Variants in SLMAP observed in about 807,000 individuals in gnomAD.
The protein encoded by SLMAP is sarcolemma associated protein.
SLMAP carries 44 observed loss-of-function variants against 128.8 expected under a neutral mutation model. The ratio of observed to expected loss-of-function variants is 0.34; its 90% CI spans 0.27 to 0.44. The LOEUF (loss-of-function observed/expected upper bound fraction) is 0.44. Among genes scored for constraint, SLMAP ranks in the 20% least tolerant of loss-of-function variants. The pLI is 1.00. For synonymous variants in SLMAP, 327 were observed against 348.8 expected (o/e 0.94, Z 0.70); for missense variants, 787 against 985.3 (o/e 0.80, Z 2.69).
At chr3:57,826,988 A>T (rs2092971967) in intron 2 of SLMAP, among the ~76,000 whole-genome samples, 1 of 152,060 alleles carries the variant, frequency 6.6e-6, no homozygotes, top group Non-Finnish European at 1.5e-5. Flanking sequence ...AATGTTTCCC[A>T]TGGGATTTTG....
intron 10 of SLMAP, among the ~76,000 whole-genome samples, chr3:57,863,448 A>G (rs927548597): frequency 6.6e-6 from 1 of 152,172 alleles, no homozygotes; most frequent in Non-Finnish European, 1.5e-5. Context: ...GGAGATTGTC[A>G]TTGTCCATTT....
chr3:57,777,018 T>C (rs1303634746), intron 2 of SLMAP, among the ~76,000 whole-genome samples: 1 of 147,002 alleles, frequency 6.8e-6, no homozygotes, highest in Non-Finnish European at 1.5e-5. Context: ...TGTCATGTAG[T>C]AGATGGTTAA....
At chr3:57,922,274 T>G (rs1261172062) in intron 22 of SLMAP, among the ~76,000 whole-genome samples, 1 of 152,192 alleles carries the variant, frequency 6.6e-6, no homozygotes, top group Non-Finnish European at 1.5e-5. Context: ...TTTGCTCAGT[T>G]TGAAATTTTC....
At chr3:57,813,926 G>A (rs1316009393) in intron 2 of SLMAP, among the ~76,000 whole-genome samples, 3 of 150,898 alleles carry the variant, frequency 2.0e-5, no homozygotes, top group Non-Finnish European at 4.4e-5. Context: ...GAGAGTTTTG[G>A]CGTCAGGTGC....
rs142724698 is a variant in SLMAP at position 57,850,381 on chromosome 3, T to G, written c.519+565T>G. On this transcript the variant is annotated intron_variant, in intron 6 of 24. Transcript: ENST00000671191. Reference sequence around the variant, plus strand: ...CTTTGTACAAGAGGAATTTTTTTGTTCAAGTATGAGGAGGTTCCAAAACAG... The same window carrying G: ...CTTTGTACAAGAGGAATTTTTTTGTGCAAGTATGAGGAGGTTCCAAAACAG... 2.6e-3 allele frequency among the ~76,000 whole-genome samples: 392 copies of G among 152,268 alleles called. 2 individuals carry two copies. The highest frequency in any genetic ancestry group is 8.6e-3 in the African/African-American group (359 of 41,550).
At chr3:57,762,906 G>C (rs1264560407) in intron 2 of SLMAP, among the ~76,000 whole-genome samples, 3 of 151,964 alleles carry the variant, frequency 2.0e-5, no homozygotes, top group African/African-American at 4.8e-5. Flanking sequence ...TGTATTTTTA[G>C]TAGAGACAGG....
At chr3:57,814,126 G>T (rs568988261) in intron 2 of SLMAP, among the ~76,000 whole-genome samples, 3 of 146,586 alleles carry the variant, frequency 2.0e-5, no homozygotes, top group Non-Finnish European at 4.5e-5. Flanking sequence ...TTTTCTCCCC[G>T]CAATACTTTC....
At chr3:57,780,627 T>C (rs2082841426) in intron 2 of SLMAP, among the ~76,000 whole-genome samples, 1 of 152,122 alleles carries the variant, frequency 6.6e-6, no homozygotes, top group Non-Finnish European at 1.5e-5. Flanking sequence ...TTCAATTCTT[T>C]GTAGGTATTT....
intron 14 of SLMAP, 120 bp from the exon 15 acceptor site, chr3:57,889,921 C>T: frequency 1.6e-6 from 1 of 633,184 alleles, no homozygotes; most frequent in Non-Finnish European, 2.9e-6. Flanking sequence ...TTTATTCAAG[C>T]TTGGTCATAG....
chr3:57,783,185 G>A (rs1306681631), intron 2 of SLMAP, among the ~76,000 whole-genome samples: 1 of 152,190 alleles, frequency 6.6e-6, no homozygotes, highest in Non-Finnish European at 1.5e-5. Context: ...GGTAAATGGA[G>A]CATTAATGGT....
chr3:57,789,067 G>A (rs2084880143), intron 2 of SLMAP, among the ~76,000 whole-genome samples: 1 of 152,180 alleles, frequency 6.6e-6, no homozygotes. Flanking sequence ...CATTAAAAAA[G>A]CAGTACAGGT....
At position 57,831,534 on chromosome 3, in the gene SLMAP, C is replaced by T. The variant is rs201859602; in HGVS notation, c.346+4C>T. On this transcript the variant is annotated splice_donor_region_variant and intron_variant, in intron 3 of 24. Coordinates refer to ENST00000671191, the MANE Select transcript of SLMAP (RefSeq NM_001377540.1). ...GTGACAGAGAATACACGGAAAGGTA[C>T]GGGTATGGATCACTTTTTTTATTAC... The T allele has an allele frequency of 1.7e-5, 25 of 1,502,570 alleles. No individual in the cohort carries two copies. Among genetic ancestry groups the T allele is most frequent in the Admixed American group, 4.6e-5 (2 of 43,850 alleles). The allele number at this position is 1,502,570 out of a possible 1,614,324, so 93.1% of individuals were successfully genotyped here. A position where few individuals can be genotyped will look rare whatever the true frequency, so the allele number is the denominator to read the frequency against.
intron 22 of SLMAP, among the ~76,000 whole-genome samples, chr3:57,920,168 T>G (rs1371904748): frequency 6.6e-6 from 1 of 152,286 alleles, no homozygotes; most frequent in Non-Finnish European, 1.5e-5. Flanking sequence ...CTAGTGTAGG[T>G]ACAATGACTT....
intron 3 of SLMAP, among the ~76,000 whole-genome samples, chr3:57,834,662 A>C (rs574757043): frequency 6.6e-6 from 1 of 152,230 alleles, no homozygotes; most frequent in Admixed American, 6.5e-5. Flanking sequence ...AAAACAGATA[A>C]ACCCTGTGTT....
At chr3:57,849,536 C>A (rs988805236) in intron 5 of SLMAP, among the ~76,000 whole-genome samples, 4 of 152,096 alleles carry the variant, frequency 2.6e-5, no homozygotes, top group African/African-American at 7.2e-5. Context: ...ATATGTGGAT[C>A]TGTTGATTAG....
intron 8 of SLMAP, 139 bp downstream of exon 8, chr3:57,858,298 T>C (rs1418369376): frequency 1.6e-6 from 1 of 617,102 alleles, no homozygotes; most frequent in Non-Finnish European, 2.9e-6. Flanking sequence ...CTGAGAAACG[T>C]CAGACATCCA....
intron 5 of SLMAP, among the ~76,000 whole-genome samples, chr3:57,847,797 G>A (rs1463219377): frequency 6.6e-6 from 1 of 152,114 alleles, no homozygotes; most frequent in Non-Finnish European, 1.5e-5. Context: ...TGACATTAAT[G>A]TGAGAGTCTA....
chr3:57,790,684 A>G lies in SLMAP; in HGVS notation c.198+32835A>G, dbSNP rs77343440. On this transcript the variant is annotated intron_variant, in intron 2 of 24. Coordinates refer to ENST00000671191, the MANE Select transcript of SLMAP (RefSeq NM_001377540.1). ...TAAGTAAAAATGAAACCATCGAGCAATTATTAAACACGTAAGACTAATAAT... is the reference window on the plus strand; with the variant it reads ...TAAGTAAAAATGAAACCATCGAGCAGTTATTAAACACGTAAGACTAATAAT... Among the ~76,000 whole-genome samples, 74 of 152,330 alleles carry G rather than the reference A, an allele frequency of 4.9e-4. No homozygotes were observed. In the East Asian group the frequency reaches 0.011, roughly 23 times the overall value.
chr3:57,773,291 G>A (rs1306857506), intron 2 of SLMAP, among the ~76,000 whole-genome samples: 1 of 152,206 alleles, frequency 6.6e-6, no homozygotes, highest in African/African-American at 2.4e-5. Context: ...GTGGAGATAA[G>A]TAAGTCCTCA....
Sources: allele counts gnomAD v4.1 joint callset (sites outside exome capture counted in the v4.1 genomes callset), GRCh38; gene constraint gnomAD v4.1.1; transcripts MANE v1.5; gene names NCBI Gene and HGNC (gene_info 2026-07-23, HGNC 2026-07-21).